HEMK2: variants seen among roughly 807,000 people sequenced by gnomAD.
The protein encoded by HEMK2 is methyltransferase HEMK2.
the HEMK2 span, among the ~76,000 whole-genome samples, chr21:28,846,767 T>G: frequency 6.6e-6 from 1 of 152,122 alleles, no homozygotes; most frequent in South Asian, 2.1e-4. Flanking sequence ...TAGGTAATTT[T>G]TCAATCCTTG....
the HEMK2 span, chr21:28,671,241 TA>T: frequency 1.3e-5 from 2 of 152,236 alleles, no homozygotes; most frequent in Admixed American, 1.3e-4. Flanking sequence ...TGTGGAAACT[TA>T]ATCACGTCTT....
At chr21:28,779,575 T>C in the HEMK2 span, among the ~76,000 whole-genome samples, 1 of 152,166 alleles carries the variant, frequency 6.6e-6, no homozygotes, top group East Asian at 1.9e-4. Context: ...TAAAAAGGTA[T>C]TGCATATTTC....
chr21:28,592,294 A>G, the HEMK2 span, among the ~76,000 whole-genome samples: 1 of 152,156 alleles, frequency 6.6e-6, no homozygotes, highest in African/African-American at 2.4e-5. Flanking sequence ...CATTTCTCTC[A>G]TGATCAGCGA....
chr21:28,694,424 G>T, the HEMK2 span, among the ~76,000 whole-genome samples: 6 of 152,092 alleles, frequency 3.9e-5, no homozygotes, highest in Admixed American at 2.6e-4. Flanking sequence ...GCACTAAGAG[G>T]TCATCAACAT....
the HEMK2 span, among the ~76,000 whole-genome samples, chr21:28,790,844 AG>A: frequency 3.2e-5 from 2 of 63,058 alleles, no homozygotes; most frequent in African/African-American, 1.4e-4. Context: ...GGGTGGGGGG[AG>A]GGGGGAGGGA....
the HEMK2 span, among the ~76,000 whole-genome samples, chr21:28,651,449 T>C: frequency 1.3e-5 from 2 of 152,212 alleles, no homozygotes; most frequent in African/African-American, 2.4e-5. Flanking sequence ...AAGAGGGTAC[T>C]TGAAACAGAA....
the HEMK2 span, among the ~76,000 whole-genome samples, chr21:28,606,541 G>A: frequency 0.019 from 2,816 of 152,064 alleles, 104 homozygotes; most frequent in African/African-American, 0.065. Flanking sequence ...CTTGGTAGAA[G>A]CATTAAAAAA....
the HEMK2 span, among the ~76,000 whole-genome samples, chr21:28,634,612 G>T: frequency 2.0e-5 from 3 of 152,114 alleles, no homozygotes; most frequent in African/African-American, 7.2e-5. Flanking sequence ...AAGACAGTAT[G>T]CACAGGGCTT....
the HEMK2 span, among the ~76,000 whole-genome samples, chr21:28,775,832 C>T: frequency 2.0e-5 from 3 of 151,922 alleles, no homozygotes; most frequent in South Asian, 4.1e-4. Context: ...GTGTACACAA[C>T]CCTTTCAAGT....
the HEMK2 span, among the ~76,000 whole-genome samples, chr21:28,855,017 A>G: frequency 6.6e-6 from 1 of 152,204 alleles, no homozygotes; most frequent in Non-Finnish European, 1.5e-5. Context: ...ACATACCAAC[A>G]CCAACCTTGA....
At chr21:28,629,905 A>G in the HEMK2 span, among the ~76,000 whole-genome samples, 2 of 146,666 alleles carry the variant, frequency 1.4e-5, no homozygotes, top group African/African-American at 2.6e-5. Context: ...TAGTCTTCTC[A>G]AAACCCCCTT....
At chr21:28,867,076 G>A in the HEMK2 span, among the ~76,000 whole-genome samples, 1 of 152,058 alleles carries the variant, frequency 6.6e-6, no homozygotes, top group Non-Finnish European at 1.5e-5. Flanking sequence ...AAGTAAACTG[G>A]CATCTTTCTG....
At chr21:28,860,351 G>A in the HEMK2 span, among the ~76,000 whole-genome samples, 1 of 151,920 alleles carries the variant, frequency 6.6e-6, no homozygotes, top group African/African-American at 2.4e-5. Context: ...CTTCAGTTTT[G>A]GAACTCAGAC....
chr21:28,732,258 T>C, the HEMK2 span, among the ~76,000 whole-genome samples: 1 of 152,212 alleles, frequency 6.6e-6, no homozygotes, highest in Non-Finnish European at 1.5e-5. Flanking sequence ...GGAAAAATAT[T>C]TACTTGAATT....
At chr21:28,795,979 G>A in the HEMK2 span, among the ~76,000 whole-genome samples, 2 of 152,180 alleles carry the variant, frequency 1.3e-5, no homozygotes, top group African/African-American at 2.4e-5. Flanking sequence ...GTCTCTAGCC[G>A]CTAGCTACTG....
At chr21:28,773,758 T>A in the HEMK2 span, among the ~76,000 whole-genome samples, 1 of 152,170 alleles carries the variant, frequency 6.6e-6, no homozygotes, top group Admixed American at 6.6e-5. Context: ...GTATTCTGCA[T>A]CAGATTCTCC....
chr21:28,852,751 G>A, the HEMK2 span, among the ~76,000 whole-genome samples: 20 of 152,142 alleles, frequency 1.3e-4, no homozygotes, highest in African/African-American at 4.8e-4. Flanking sequence ...TTAGTCTTTT[G>A]TTTACTCGAT....
the HEMK2 span, among the ~76,000 whole-genome samples, chr21:28,647,443 G>T: frequency 6.7e-6 from 1 of 149,206 alleles, no homozygotes; most frequent in African/African-American, 2.5e-5. Context: ...GGAAGGCAGA[G>T]GTTGCAGTGA....
chr21:28,739,068 A>C, the HEMK2 span, among the ~76,000 whole-genome samples: 1 of 152,224 alleles, frequency 6.6e-6, no homozygotes, highest in Non-Finnish European at 1.5e-5. Flanking sequence ...GCTCATGTGT[A>C]CTTAAAATGA....
Sources: allele counts gnomAD v4.1 joint callset (sites outside exome capture counted in the v4.1 genomes callset), GRCh38; gene constraint gnomAD v4.1.1; transcripts MANE v1.5; gene names NCBI Gene and HGNC (gene_info 2026-07-23, HGNC 2026-07-21).